BEND4: variants seen among roughly 807,000 people sequenced by gnomAD.
BEND4 encodes the protein BEN domain containing 4.
In BEND4, 27 loss-of-function variants were observed where a neutral mutation model predicts 54.7. That is an observed-to-expected ratio of 0.49 (90% CI 0.36 to 0.68). BEND4 has a LOEUF of 0.68. BEND4 is among the 30% of genes least tolerant of loss of function. The probability of loss-of-function intolerance (pLI) is 0.00; values close to 1 mark genes in which losing one functional copy is unlikely to be tolerated. For missense variants in BEND4, 702 were observed against 697.2 expected, an observed-to-expected ratio of 1.01 and a Z score of -0.08; for synonymous variants, 327 against 299.5, an observed-to-expected ratio of 1.09 and a Z score of -0.95.
At chr4:42,147,007 T>C (rs930484667) in intron 2 of BEND4, among the ~76,000 whole-genome samples, 3 of 152,184 alleles carry the variant, frequency 2.0e-5, no homozygotes, top group Non-Finnish European at 2.9e-5. Flanking sequence ...GAAAAAATCA[T>C]TATGTAATAT....
At chr4:42,120,412 C>T in intron 4 of BEND4, 118 bp from the exon 5 acceptor site, 1 of 1,304,060 alleles carries the variant, frequency 7.7e-7, no homozygotes, top group Non-Finnish European at 1.1e-6. Flanking sequence ...TGACAATGAA[C>T]CAGGTATTGA....
At chr4:42,128,914 C>T (rs1177021862) in intron 3 of BEND4, among the ~76,000 whole-genome samples, 2 of 151,868 alleles carry the variant, frequency 1.3e-5, no homozygotes, top group African/African-American at 4.8e-5. Context: ...CCAGCTTGGG[C>T]GACTGAATGA....
intron 3 of BEND4, among the ~76,000 whole-genome samples, chr4:42,128,751 C>A (rs185178048): frequency 6.6e-6 from 1 of 151,252 alleles, no homozygotes; most frequent in East Asian, 1.9e-4. Flanking sequence ...GATGAAACCC[C>A]GTCTCTACTA....
chr4:42,127,986 G>T (rs74516627), intron 3 of BEND4, among the ~76,000 whole-genome samples: 1,796 of 152,112 alleles, frequency 0.012, 17 homozygotes, highest in African/African-American at 0.025. Context: ...AACACAGCAA[G>T]AACATATCTT....
chr4:42,147,185 T>C (rs1040164697), intron 2 of BEND4, among the ~76,000 whole-genome samples: 2 of 152,212 alleles, frequency 1.3e-5, no homozygotes, highest in African/African-American at 4.8e-5. Context: ...GAATTTTTTC[T>C]CTTTTCATTA....
At chr4:42,142,855 A>G (rs892026574) in intron 3 of BEND4, among the ~76,000 whole-genome samples, 2 of 152,308 alleles carry the variant, frequency 1.3e-5, no homozygotes, top group South Asian at 4.1e-4. Context: ...GACAGTGTAT[A>G]TGCTAAAGAC....
rs1721307427 is a variant in BEND4 at position 42,151,908 on chromosome 4, T to C, written c.236A>G (p.Gln79Arg). The C allele has an allele frequency of 1.6e-6, 2 of 1,253,148 alleles. No homozygotes were observed. Among genetic ancestry groups the C allele is most frequent in the South Asian group, 3.6e-5 (1 of 28,136 alleles). The allele number at this position is 1,253,148 out of a possible 1,614,324, so 77.6% of individuals were successfully genotyped here. A position where few individuals can be genotyped will look rare whatever the true frequency, so the allele number is the denominator to read the frequency against. The change falls in exon 2 of 6, where the codon CAG (glutamine) becomes CGG (arginine). Residue 79 changes from glutamine to arginine, a missense_variant. By Grantham distance (43) the Gln-to-Arg change is conservative. Coordinates refer to ENST00000502486, the MANE Select transcript of BEND4 (RefSeq NM_207406.4). ...GGGGTAGGAGCTCTGCGCCTGGAAC[T>C]GCTGCGGCGGCGGCTCGCTGCTGCT... The part of the protein sequence containing the change: ...SISSSEPPPQ[Q>R]FQAQSSYPPG...
intron 3 of BEND4, among the ~76,000 whole-genome samples, chr4:42,142,706 G>A (rs1482516719): frequency 6.8e-6 from 1 of 148,126 alleles, no homozygotes; most frequent in Admixed American, 6.7e-5. Flanking sequence ...TTTCAACCCA[G>A]AGAATGTCTT....
At chr4:42,132,062 A>C (rs991311946) in intron 3 of BEND4, among the ~76,000 whole-genome samples, 69 of 152,324 alleles carry the variant, frequency 4.5e-4, no homozygotes, top group African/African-American at 1.6e-3. Flanking sequence ...GTGCGTCTAG[A>C]AAAGTGGGAG....
chr4:42,134,959 A>G (rs1219814714), intron 3 of BEND4, among the ~76,000 whole-genome samples: 1 of 152,186 alleles, frequency 6.6e-6, no homozygotes, highest in African/African-American at 2.4e-5. Flanking sequence ...AAGATCCAGG[A>G]ATTGAAGAAC....
rs1301954252 is a variant in BEND4 at position 42,113,821 on chromosome 4, A to G, written c.*3697T>C. ...ACTCTACAGCCGTGAAGTAGCTACA[A>G]ATATGTCTCGAATCCCCTACAAAAG... On this transcript the variant is annotated 3_prime_UTR_variant, in exon 6 of 6. Transcript: ENST00000502486. The G allele has an allele frequency of 6.6e-6, 1 of 152,218 alleles. No individual in the cohort carries two copies. The highest frequency in any genetic ancestry group is 1.5e-5 in the Non-Finnish European group (1 of 68,052). The allele number at this position is 152,218 out of a possible 1,614,324, so 9.4% of individuals were successfully genotyped here. A position where few individuals can be genotyped will look rare whatever the true frequency, so the allele number is the denominator to read the frequency against.
At chr4:42,119,970 G>T in intron 5 of BEND4, 84 bp downstream of exon 5, 1 of 1,529,342 alleles carries the variant, frequency 6.5e-7, no homozygotes, top group Non-Finnish European at 9.0e-7. Context: ...AATACAGAAG[G>T]CTGAACACTT....
At chr4:42,130,637 T>C (rs1433064665) in intron 3 of BEND4, among the ~76,000 whole-genome samples, 1 of 152,082 alleles carries the variant, frequency 6.6e-6, no homozygotes, top group Non-Finnish European at 1.5e-5. Flanking sequence ...AGTTCAACCA[T>C]TATGGAAGAC....
At position 42,151,716 on chromosome 4, in the gene BEND4, G is replaced by T. The variant is rs1326282044; in HGVS notation, c.428C>A (p.Ala143Glu). 3.3e-6 allele frequency: 5 copies of T among 1,502,950 alleles called. No individual in the cohort carries two copies. In the South Asian group the frequency reaches 3.7e-5, roughly 11 times the overall value. The allele number at this position is 1,502,950 out of a possible 1,614,324, so 93.1% of individuals were successfully genotyped here. ...CGTGCCGCCGGTGCCGGCGGCCGCC[G>T]CCGCGCCTGGGCCATACCTGACGAC... ...AAVVRYGPGA[A>E]AAAGTGGTGS... Residue 143 changes from alanine to glutamate, a missense_variant, in exon 2 of 6, where the codon GCG becomes GAG. Physicochemically the swap from Ala to Glu is moderately radical, Grantham distance 107 (BLOSUM62 -1). Coordinates refer to ENST00000502486, the MANE Select transcript of BEND4 (RefSeq NM_207406.4).
intron 3 of BEND4, among the ~76,000 whole-genome samples, chr4:42,136,928 G>C (rs990491785): frequency 1.8e-4 from 28 of 152,222 alleles, no homozygotes; most frequent in Admixed American, 1.8e-3. Flanking sequence ...TGAAACTGTT[G>C]TGAGCAGAGG....
rs1329178053 is a variant in BEND4 at position 42,111,892 on chromosome 4, G to C, written c.*5626C>G. The C allele has an allele frequency of 6.6e-6, 1 of 152,116 alleles. No individual in the cohort carries two copies. Among genetic ancestry groups the C allele is most frequent in the African/African-American group, 2.4e-5 (1 of 41,412 alleles). 9.4% of individuals were successfully genotyped at this position (152,116 alleles called of 1,614,324 possible). On this transcript the variant is annotated 3_prime_UTR_variant, in exon 6 of 6. Transcript: ENST00000502486. The stretch of plus-strand genomic sequence containing the variant: ...CTATGGGACAAATGTGAACAAACTC[G>C]TGATTTTAATTTTAATTTACCTACT...
chr4:42,138,703 AAAGTT>A (rs1167278377), intron 3 of BEND4, among the ~76,000 whole-genome samples: 1 of 152,218 alleles, frequency 6.6e-6, no homozygotes, highest in Non-Finnish European at 1.5e-5. Flanking sequence ...TTTACAAAAC[AAAGTT>A]TATTTAAAAT....
At chr4:42,130,838 A>G (rs1560578579) in intron 3 of BEND4, among the ~76,000 whole-genome samples, 1 of 152,170 alleles carries the variant, frequency 6.6e-6, no homozygotes, top group Non-Finnish European at 1.5e-5. Flanking sequence ...GATAGACTGG[A>G]TAAAGAAAAT....
chr4:42,144,051 A>T (rs758279819), intron 2 of BEND4, 57 bp from the exon 3 acceptor site: 2 of 1,247,546 alleles, frequency 1.6e-6, no homozygotes, highest in Non-Finnish European at 2.3e-6. Context: ...AAGATAAATA[A>T]AGTCCTCAAT....
Sources: allele counts gnomAD v4.1 joint callset (sites outside exome capture counted in the v4.1 genomes callset), GRCh38; gene constraint gnomAD v4.1.1; transcripts MANE v1.5; gene names NCBI Gene and HGNC (gene_info 2026-07-23, HGNC 2026-07-21).